The following SV2B variants were observed in gnomAD, a reference collection of about 807,000 sequenced individuals.
The protein encoded by SV2B is solute carrier family 22 member B2.
In SV2B, 41 loss-of-function variants were observed where a neutral mutation model predicts 73.9. The observed-to-expected ratio is 0.56, with a 90% CI of 0.43 to 0.72. The LOEUF is 0.72. SV2B is among the 30% of genes least tolerant of loss of function. The pLI is 0.00. For synonymous variants in SV2B, 314 were observed against 314.2 expected (o/e 1.00, Z 0.01); for missense variants, 764 against 857.8 (o/e 0.89, Z 1.37).
chr15:91,128,864 T>TGTCCA lies in SV2B; in HGVS notation c.-392+28502_-392+28506dup, dbSNP rs1028234816. 3.3e-5 allele frequency: 5 copies of TGTCCA among 152,260 alleles called. No individual in the cohort carries two copies. The highest frequency in any genetic ancestry group is 9.6e-5 in the African/African-American group (4 of 41,470). The allele number at this position is 152,260 out of a possible 1,614,324, so 9.4% of individuals were successfully genotyped here. ...CATGAGCACTAGATCCTATCCTTTT[T>TGTCCA]GTCCAATCATATTTCTCCATGGCTG... On this transcript the variant is annotated intron_variant, in intron 1 of 12. Coordinates refer to ENST00000394232, the MANE Select transcript of SV2B (RefSeq NM_001323032.3). This position sits in a 1 kb window ranked among gnomAD's most constrained non-coding sequence, Gnocchi z 4.2.
intron 1 of SV2B, among the ~76,000 whole-genome samples, chr15:91,199,707 G>A (rs80233769): frequency 0.013 from 2,049 of 152,288 alleles, 62 homozygotes; most frequent in African/African-American, 0.047. Context: ...GTGCCCAGGT[G>A]GGGTGGGGAA....
chr15:91,136,754 C>T lies in SV2B; in HGVS notation c.-392+36391C>T, dbSNP rs528867834. Reference sequence around the variant, plus strand: ...TCAGGGAGGAGGGGGTGGTGACAGCCGGGTTGACCAGCTCTCCTGCTGTGC... The same window carrying T: ...TCAGGGAGGAGGGGGTGGTGACAGCTGGGTTGACCAGCTCTCCTGCTGTGC... On this transcript the variant is annotated intron_variant, in intron 1 of 12. Transcript: ENST00000394232. The surrounding 1 kb of genome is among the most constrained non-coding windows in gnomAD (Gnocchi z 5.6). 5.9e-5 allele frequency among the ~76,000 whole-genome samples: 9 copies of T among 152,108 alleles called. No individual in the cohort carries two copies. Among genetic ancestry groups the T allele is most frequent in the South Asian group, 2.1e-4 (1 of 4,804 alleles).
At chr15:91,108,985 T>G (rs1251002982) in intron 1 of SV2B, among the ~76,000 whole-genome samples, 2 of 152,204 alleles carry the variant, frequency 1.3e-5, no homozygotes, top group Non-Finnish European at 2.9e-5. Context: ...TCTGTATGGG[T>G]TGGCAGGGGA....
intron 1 of SV2B, among the ~76,000 whole-genome samples, chr15:91,108,959 G>A (rs1373383760): frequency 6.6e-6 from 1 of 152,166 alleles, no homozygotes; most frequent in Non-Finnish European, 1.5e-5. Flanking sequence ...GTTCCCTTCA[G>A]TTGTTAGAGC....
intron 1 of SV2B, among the ~76,000 whole-genome samples, chr15:91,191,238 G>A (rs1596552190): frequency 2.0e-5 from 3 of 151,202 alleles, no homozygotes; most frequent in Admixed American, 1.3e-4. Flanking sequence ...GCTAATTTTT[G>A]TATTTTTAGT....
chr15:91,199,680 A>C (rs996609394), intron 1 of SV2B, among the ~76,000 whole-genome samples: 1 of 152,198 alleles, frequency 6.6e-6, no homozygotes, highest in African/African-American at 2.4e-5. Context: ...AGGGACCATC[A>C]GGAGACTGAG....
rs558358442 is a variant in SV2B at position 91,239,706 on chromosome 15, T to G, written c.452-12113T>G. Among the ~76,000 whole-genome samples the G allele has an allele frequency of 6.6e-6, 1 of 152,272 alleles. No individual in the cohort carries two copies. The highest frequency in any genetic ancestry group is 1.9e-4 in the East Asian group (1 of 5,170). ...TTTAGAAGGCAGCATGTGTATAGGG[T>G]GCATTTGGCTTCTGGTAACAATAGC... On this transcript the variant is annotated intron_variant, in intron 2 of 12. Coordinates refer to ENST00000394232, the MANE Select transcript of SV2B (RefSeq NM_001323032.3). This position sits in a 1 kb window ranked among gnomAD's most constrained non-coding sequence, Gnocchi z 5.1.
intron 9 of SV2B, among the ~76,000 whole-genome samples, chr15:91,276,121 T>A (rs2048477949): frequency 6.6e-6 from 1 of 151,960 alleles, no homozygotes; most frequent in South Asian, 2.1e-4. Context: ...TCTTTTGGCT[T>A]GCATACTTTC....
At chr15:91,138,062 A>G (rs943696043) in intron 1 of SV2B, among the ~76,000 whole-genome samples, 1 of 152,210 alleles carries the variant, frequency 6.6e-6, no homozygotes, top group South Asian at 2.1e-4. Context: ...ACATGAAGAA[A>G]GACAAGATTT....
At chr15:91,278,559 G>T (rs1162373344) in intron 9 of SV2B, among the ~76,000 whole-genome samples, 1 of 147,094 alleles carries the variant, frequency 6.8e-6, no homozygotes, top group Non-Finnish European at 1.5e-5. Context: ...GGTGCCTGTA[G>T]TCCCAGCTAC....
Position 91,249,073 on chromosome 15 carries a change from C to CACAT in SV2B, c.452-2743_452-2742insTACA, listed in dbSNP as rs2047374752. Among the ~76,000 whole-genome samples, 3 of 49,162 alleles carry CACAT rather than the reference C, an allele frequency of 6.1e-5. 1 individual carries two copies. The highest frequency in any genetic ancestry group is 2.1e-4 in the African/African-American group (3 of 14,498). 32.3% of individuals were successfully genotyped at this position (49,162 alleles called of 152,430 possible). A position where few individuals can be genotyped will look rare whatever the true frequency, so the allele number is the denominator to read the frequency against. Reference sequence around the variant, plus strand: ...GCATCCATACATCTACGTTTTCACACACACACACACACACACACACACACA... The same window carrying CACAT: ...GCATCCATACATCTACGTTTTCACACACATACACACACACACACACACACACACA... On this transcript the variant is annotated intron_variant, in intron 2 of 12. Transcript: ENST00000394232.
chr15:91,246,699 C>T (rs925037274), intron 2 of SV2B, among the ~76,000 whole-genome samples: 1 of 150,078 alleles, frequency 6.7e-6, no homozygotes, highest in Non-Finnish European at 1.5e-5. Context: ...TCCACCACAT[C>T]GCTCCTCCTT....
At chr15:91,248,083 A>T (rs2047316001) in intron 2 of SV2B, among the ~76,000 whole-genome samples, 1 of 152,200 alleles carries the variant, frequency 6.6e-6, no homozygotes, top group Admixed American at 6.5e-5. Flanking sequence ...GCACTTTGGG[A>T]GGCCGAGGTG....
chr15:91,112,879 C>T (rs149388336), intron 1 of SV2B, among the ~76,000 whole-genome samples: 216 of 152,266 alleles, frequency 1.4e-3, no homozygotes, highest in Non-Finnish European at 2.3e-3. Flanking sequence ...TACAGTGGTG[C>T]CGTCATGGCT....
chr15:91,156,737 C>T (rs1351342157), intron 1 of SV2B, among the ~76,000 whole-genome samples: 1 of 152,178 alleles, frequency 6.6e-6, no homozygotes, highest in Non-Finnish European at 1.5e-5. Context: ...GAGTGAAAAC[C>T]AAAATCCCCA....
At position 91,223,605 on chromosome 15, in the gene SV2B, AG is replaced by A; in HGVS notation, c.-391-2266del. 6.6e-6 allele frequency among the ~76,000 whole-genome samples: 1 copy of A among 152,344 alleles called. No individual in the cohort carries two copies. The highest frequency in any genetic ancestry group is 1.5e-5 in the Non-Finnish European group (1 of 68,024). On this transcript the variant is annotated intron_variant, in intron 1 of 12. Transcript: ENST00000394232. The surrounding 1 kb of genome is among the most constrained non-coding windows in gnomAD (Gnocchi z 4.6). ...GGAAATAACACACCAGATCTCAGTC[AG>A]GTGGCGTTCTTTCCATGTTTTTATA... is the stretch of plus-strand genomic sequence containing the variant.
chr15:91,300,193 A>G lies in SV2B; in HGVS notation c.*7641A>G, dbSNP rs886284012. The G allele has an allele frequency of 6.6e-6, 1 of 152,246 alleles. No individual in the cohort carries two copies. The allele number at this position is 152,246 out of a possible 1,614,324, so 9.4% of individuals were successfully genotyped here. A position where few individuals can be genotyped will look rare whatever the true frequency, so the allele number is the denominator to read the frequency against. On this transcript the variant is annotated 3_prime_UTR_variant, in exon 13 of 13. Coordinates refer to ENST00000394232, the MANE Select transcript of SV2B (RefSeq NM_001323032.3). ...TTGCCACATTTCAAATGGGCCAAAC[A>G]TTAAAATAACTTATCCATGAATTTC... is the stretch of plus-strand genomic sequence containing the variant.
intron 1 of SV2B, among the ~76,000 whole-genome samples, chr15:91,158,686 CTTCTCTT>C (rs2043587532): frequency 2.4e-5 from 2 of 81,836 alleles, no homozygotes; most frequent in African/African-American, 9.3e-5. Flanking sequence ...CTTCTCTTCT[CTTCTCTT>C]CTCTTCTCTC....
chr15:91,270,028 G>C (rs1415961657), intron 9 of SV2B, among the ~76,000 whole-genome samples: 1 of 152,296 alleles, frequency 6.6e-6, no homozygotes, highest in East Asian at 1.9e-4. Flanking sequence ...AGTATGTCAG[G>C]AGGTCTTGTG....
Sources: gnomAD v4.1 joint callset for allele counts (sites outside exome capture counted in the v4.1 genomes callset) on GRCh38, gnomAD v4.1.1 for gene constraint, Gnocchi (gnomAD v3.1) non-coding constraint, MANE v1.5 for transcripts, NCBI Gene and HGNC (gene_info 2026-07-23, HGNC 2026-07-21) for gene names.